The following ASB10 variants were observed in gnomAD, a reference collection of about 807,000 sequenced individuals.
ASB10 encodes ankyrin repeat and SOCS box protein 10.
A neutral mutation model predicts 35.4 loss-of-function variants in ASB10; 44 were observed. The ratio of observed to expected loss-of-function variants is 1.24; its 90% CI spans 0.98 to 1.60. The LOEUF is 1.60. ASB10 is among the 40% of genes most tolerant of loss of function. ASB10 has a pLI of 0.00. For synonymous variants in ASB10, 294 were observed against 280.4 expected (o/e 1.05, Z -0.49); for missense variants, 647 against 634.3 (o/e 1.02, Z -0.22).
chr7:151,182,903 T>C (rs562614827), intron 2 of ASB10, among the ~76,000 whole-genome samples: 1 of 152,342 alleles, frequency 6.6e-6, no homozygotes, highest in South Asian at 2.1e-4. Flanking sequence ...TGTCTGACTT[T>C]CTATATCTTT....
chr7:151,182,788 C>T (rs546201534), intron 2 of ASB10, among the ~76,000 whole-genome samples: 99 of 152,002 alleles, frequency 6.5e-4, no homozygotes, highest in Non-Finnish European at 1.2e-3. Context: ...GCACGTGAGA[C>T]GACCCCCAAA....
chr7:151,184,899 G>A (rs996855219), intron 2 of ASB10, among the ~76,000 whole-genome samples: 1 of 151,844 alleles, frequency 6.6e-6, no homozygotes, highest in Non-Finnish European at 1.5e-5. Context: ...GCGGGGGCCT[G>A]TAGTCCCAGC....
At position 151,175,909 on chromosome 7, in the gene ASB10, C is replaced by T. The variant is rs1174441982; in HGVS notation, c.*58G>A. On this transcript the variant is annotated 3_prime_UTR_variant, in exon 6 of 6. Coordinates refer to ENST00000420175, the MANE Select transcript of ASB10 (RefSeq NM_001142459.2). ...TACCTGGCCTGAGTTAGTGCAGAGG[C>T]GCGCCCTCTGCAGGCTGGGGCATCT... is the stretch of plus-strand genomic sequence containing the variant. 2.8e-5 allele frequency: 18 copies of T among 647,214 alleles called. No individual in the cohort carries two copies. The Admixed American group carries it at 5.8e-4, about 21-fold the overall frequency. The allele number at this position is 647,214 out of a possible 1,614,324, so 40.1% of individuals were successfully genotyped here.
chr7:151,178,752 C>G (rs1025752890), intron 3 of ASB10, among the ~76,000 whole-genome samples: 1 of 152,178 alleles, frequency 6.6e-6, no homozygotes, highest in Non-Finnish European at 1.5e-5. Context: ...TTTTACACAC[C>G]TGGGGCCTCT....
intron 2 of ASB10, among the ~76,000 whole-genome samples, chr7:151,186,174 C>T (rs1801584703): frequency 6.6e-6 from 1 of 152,194 alleles, no homozygotes; most frequent in Non-Finnish European, 1.5e-5. Flanking sequence ...CAGCCTCCCT[C>T]CACCCCTGGG....
intron 3 of ASB10, among the ~76,000 whole-genome samples, chr7:151,177,943 T>G (rs1801418740): frequency 6.6e-6 from 1 of 152,202 alleles, no homozygotes; most frequent in African/African-American, 2.4e-5. Context: ...ACAGATCTGC[T>G]GCTGCAATGA....
intron 2 of ASB10, among the ~76,000 whole-genome samples, chr7:151,183,195 T>C (rs570340649): frequency 6.6e-6 from 1 of 152,318 alleles, no homozygotes; most frequent in African/African-American, 2.4e-5. Context: ...AGAATCACTT[T>C]AGCCCAGGAG....
intron 2 of ASB10, 117 bp downstream of exon 2, chr7:151,186,275 G>T: frequency 7.7e-7 from 1 of 1,300,430 alleles, no homozygotes; most frequent in Non-Finnish European, 1.0e-6. Flanking sequence ...CCTGACCCGC[G>T]CCCCAAGCCT....
At chr7:151,176,079 C>T (rs932028985) in intron 5 of ASB10, 33 bp downstream of exon 5, 5 of 1,603,186 alleles carry the variant, frequency 3.1e-6, no homozygotes, top group Non-Finnish European at 4.3e-6. Context: ...GGACCCCAAG[C>T]AGCTGTGACT....
intron 3 of ASB10, among the ~76,000 whole-genome samples, chr7:151,178,490 T>C (rs1168298403): frequency 6.6e-6 from 1 of 152,208 alleles, no homozygotes; most frequent in African/African-American, 2.4e-5. Context: ...CCTCCTCCAC[T>C]GCACTCCACT....
chr7:151,179,226 C>G (rs1801444144), intron 3 of ASB10, among the ~76,000 whole-genome samples: 1 of 152,230 alleles, frequency 6.6e-6, no homozygotes, highest in South Asian at 2.1e-4. Context: ...TATCATATCC[C>G]TATGTTACAG....
At position 151,175,886 on chromosome 7, in the gene ASB10, C is replaced by T. The variant is rs1801375852; in HGVS notation, c.*81G>A. 1 of 528,928 alleles carries T rather than the reference C, an allele frequency of 1.9e-6. No homozygotes were observed. Among genetic ancestry groups the T allele is most frequent in the Non-Finnish European group, 3.2e-6 (1 of 310,246 alleles). The allele number at this position is 528,928 out of a possible 1,614,324, so 32.8% of individuals were successfully genotyped here. A position where few individuals can be genotyped will look rare whatever the true frequency, so the allele number is the denominator to read the frequency against. The stretch of plus-strand genomic sequence containing the variant: ...GCTGGGCCTCCTGCTGCCAGGGCTA[C>T]CTGGCCTGAGTTAGTGCAGAGGCGC... On this transcript the variant is annotated 3_prime_UTR_variant, in exon 6 of 6. Coordinates refer to ENST00000420175, the MANE Select transcript of ASB10 (RefSeq NM_001142459.2).
At chr7:151,187,424 T>A (rs561504698), upstream of ASB10, 151 of 1,550,930 alleles carry the variant, frequency 9.7e-5, no homozygotes, top group African/African-American at 1.7e-3. The surrounding 1 kb of genome is among the most constrained non-coding windows in gnomAD (Gnocchi z 5.3). Flanking sequence ...AGCCCCCTGG[T>A]TCTCAGCAAC....
chr7:151,183,639 G>T (rs1316139502), intron 2 of ASB10, among the ~76,000 whole-genome samples: 1 of 152,162 alleles, frequency 6.6e-6, no homozygotes, highest in African/African-American at 2.4e-5. Context: ...AGGCTGGAGT[G>T]CAGTGGCACA....
At position 151,186,413 on chromosome 7, in the gene ASB10, C is replaced by A. The variant is rs373058973; in HGVS notation, c.563G>T (p.Cys188Phe). The A allele has an allele frequency of 4.0e-5, 63 of 1,587,096 alleles. No homozygotes were observed. Among genetic ancestry groups the A allele is most frequent in the Non-Finnish European group, 4.7e-5 (55 of 1,167,072 alleles). The change falls in exon 2 of 6, where the codon TGC becomes TTC. Residue 188 changes from cysteine (C) to phenylalanine (F), a missense_variant. Coordinates refer to ENST00000420175, the MANE Select transcript of ASB10 (RefSeq NM_001142459.2). ...DQDGKRPLHL[C>F]RGPGTLECAE... ...TCACTCAAGGGTGCCAGGCCCCCGG[C>A]AGAGATGCAGGGGGCGTTTCCCATC...
Position 151,180,888 on chromosome 7 carries a change from C to T in ASB10, c.1104+51G>A, listed in dbSNP as rs1469748921. The T allele has an allele frequency of 3.5e-6, 5 of 1,436,930 alleles. No individual in the cohort carries two copies. The South Asian group carries it at 7.5e-5, about 21-fold the overall frequency. 89.0% of individuals were successfully genotyped at this position (1,436,930 alleles called of 1,614,324 possible). ...AGCAAACCGGAGCACAGGCCCAGGT[C>T]TCCCTGTCCCCTCACCATGGTGGCC... On this transcript the variant is annotated intron_variant, in intron 3 of 5. Transcript: ENST00000420175.
Position 151,187,038 on chromosome 7 carries a change from G to C in ASB10, c.93C>G (p.Pro31=), listed in dbSNP as rs1801612610. Reference sequence around the variant, plus strand: ...TGAGGTGCTCCTCAGACCCTCTGCTGGGCTTCTCCACCAGCCTGGCACAGA... The same window carrying C: ...TGAGGTGCTCCTCAGACCCTCTGCTCGGCTTCTCCACCAGCCTGGCACAGA... The part of the protein sequence containing the change: ...HPLCARLVEK[P]SRGSEEHLKS... The change falls in exon 1 of 6, where the codon CCC becomes CCG. Residue 31 remains proline, a synonymous_variant. Coordinates refer to ENST00000420175, the MANE Select transcript of ASB10 (RefSeq NM_001142459.2). The surrounding 1 kb of genome is among the most constrained non-coding windows in gnomAD (Gnocchi z 5.3). 10 of 1,610,502 alleles carry C rather than the reference G, an allele frequency of 6.2e-6. No individual in the cohort carries two copies. The highest frequency in any genetic ancestry group is 8.5e-6 in the Non-Finnish European group (10 of 1,178,040).
intron 2 of ASB10, among the ~76,000 whole-genome samples, chr7:151,183,119 G>C (rs878918365): frequency 6.6e-6 from 1 of 152,120 alleles, no homozygotes; most frequent in Non-Finnish European, 1.5e-5. Flanking sequence ...ACTGAGATGC[G>C]GTGTGTTATA....
rs959800416 is a variant in ASB10, at chr7:151,176,613, C to T, written c.1168G>A (p.Val390Met). ...IEVLMNTYSVVQLPEEAVGLV... is the reference protein window; with the variant it reads ...IEVLMNTYSVMQLPEEAVGLV... ...CCGACGGCCTCCTCGGGAAGCTGCA[C>T]AACACTGTAGGTGTTCATCAGGACC... Residue 390 changes from valine to methionine, a missense_variant, in exon 4 of 6, where the codon GTG becomes ATG. Transcript: ENST00000420175. 18 of 1,551,338 alleles carry T rather than the reference C, an allele frequency of 1.2e-5. No homozygotes were observed. The African/African-American group carries it at 2.3e-4, about 20-fold the overall frequency.
Sources: gnomAD v4.1 joint callset for allele counts (sites outside exome capture counted in the v4.1 genomes callset) on GRCh38, gnomAD v4.1.1 for gene constraint, Gnocchi (gnomAD v3.1) non-coding constraint, MANE v1.5 for transcripts, NCBI Gene and HGNC (gene_info 2026-07-23, HGNC 2026-07-21) for gene names.